Variants in FLI1 observed in about 807,000 individuals in gnomAD.
FLI1 encodes the protein Friend leukemia integration 1 transcription factor.
In FLI1, 13 loss-of-function variants were observed where a neutral mutation model predicts 53.1. The ratio of observed to expected loss-of-function variants is 0.24; its 90% CI spans 0.16 to 0.39. The LOEUF (loss-of-function observed/expected upper bound fraction) is 0.39, where lower values mean the gene tolerates loss of function less well. FLI1 is among the 10% of genes least tolerant of loss of function. The pLI is 1.00. For synonymous variants in FLI1, 244 were observed against 236.7 expected (o/e 1.03, Z -0.28); for missense variants, 424 against 600.5 (o/e 0.71, Z 3.07).
chr11:128,760,520 C>CTTTTTTTTTTTTTTTT (rs1179242159), intron 2 of FLI1, among the ~76,000 whole-genome samples: 1 of 103,572 alleles, frequency 9.7e-6, no homozygotes, highest in Admixed American at 9.6e-5. Context: ...GTGGAGATTC[C>CTTTTTTTTTTTTTTTT]TTTTTTTTTT....
At chr11:128,700,094 A>C (rs1343443133) in intron 1 of FLI1, among the ~76,000 whole-genome samples, 1 of 152,206 alleles carries the variant, frequency 6.6e-6, no homozygotes, top group East Asian at 1.9e-4. Context: ...GATGATTTGA[A>C]CTGGAGAGAC....
At chr11:128,700,249 G>A (rs886406975) in intron 1 of FLI1, among the ~76,000 whole-genome samples, 2 of 152,182 alleles carry the variant, frequency 1.3e-5, no homozygotes, top group Non-Finnish European at 2.9e-5. Context: ...ATACCATGAT[G>A]TCTCTACTTC....
chr11:128,689,570 C>A (rs926231522), upstream of FLI1, among the ~76,000 whole-genome samples: 1 of 152,152 alleles, frequency 6.6e-6, no homozygotes, highest in African/African-American at 2.4e-5. Context: ...GTCTTGCCGG[C>A]GGGTCTCGAA....
In FLI1 at chr11:128,768,516, T is replaced by TA. The variant is rs59293003; in HGVS notation, c.385+259dup. ...CAACGTGGTGAAACCTCATCTCTAC[T>TA]AAAAAAAAAAAAAAATACAAAAATT... On this transcript the variant is annotated intron_variant, in intron 3 of 8. Transcript: ENST00000527786. 4.2e-3 allele frequency: 1,375 copies of TA among 330,842 alleles called. 2 individuals are homozygous for TA. The highest frequency in any genetic ancestry group is 0.016 in the South Asian group (445 of 27,096). The allele number at this position is 330,842 out of a possible 1,614,324, so 20.5% of individuals were successfully genotyped here.
chr11:128,756,104 A>G (rs1940849781), intron 1 of FLI1, among the ~76,000 whole-genome samples: 1 of 152,264 alleles, frequency 6.6e-6, no homozygotes, highest in Non-Finnish European at 1.5e-5. Flanking sequence ...CCCAGCTTTA[A>G]CAAGTGCTGT....
chr11:128,796,335 T>G (rs2268605), intron 5 of FLI1, among the ~76,000 whole-genome samples: 1 of 152,166 alleles, frequency 6.6e-6, no homozygotes, highest in South Asian at 2.1e-4. Flanking sequence ...GTCTGCAAAA[T>G]AATTATCAGC....
chr11:128,687,538 C>T (rs1303882412), intron 1 of FLI1, among the ~76,000 whole-genome samples: 1 of 152,114 alleles, frequency 6.6e-6, no homozygotes, highest in South Asian at 2.1e-4. Flanking sequence ...TGCAAACACC[C>T]GCATACTTTT....
chr11:128,694,414 C>G (rs1386825888), intron 1 of FLI1, 138 bp downstream of exon 1: 2 of 671,224 alleles, frequency 3.0e-6, no homozygotes, highest in Non-Finnish European at 4.3e-6. Context: ...GCGCCGGCTC[C>G]TCCGGCGCTC....
intron 5 of FLI1, among the ~76,000 whole-genome samples, chr11:128,800,232 A>G (rs556591658): frequency 6.6e-6 from 1 of 152,342 alleles, no homozygotes; most frequent in East Asian, 1.9e-4. Flanking sequence ...TTCAGAAGCC[A>G]GGCTTTCCAA....
intron 2 of FLI1, among the ~76,000 whole-genome samples, chr11:128,763,140 C>G (rs1038693742): frequency 5.3e-5 from 8 of 152,260 alleles, no homozygotes; most frequent in Non-Finnish European, 1.0e-4. Flanking sequence ...ATTTGTGTCT[C>G]TGGTGGGAAG....
intron 5 of FLI1, among the ~76,000 whole-genome samples, chr11:128,785,661 A>G (rs2135872641): frequency 6.6e-6 from 1 of 152,360 alleles, no homozygotes; most frequent in Middle Eastern, 3.4e-3. Flanking sequence ...CTCTTTCCAA[A>G]GATGAACCAA....
At chr11:128,801,545 C>T (rs1362846090) in intron 5 of FLI1, among the ~76,000 whole-genome samples, 1 of 152,220 alleles carries the variant, frequency 6.6e-6, no homozygotes, top group Non-Finnish European at 1.5e-5. Context: ...GCCTATGCCT[C>T]ATACATAAAT....
At chr11:128,799,036 T>C (rs1942537461) in intron 5 of FLI1, among the ~76,000 whole-genome samples, 1 of 135,366 alleles carries the variant, frequency 7.4e-6, no homozygotes, top group African/African-American at 2.7e-5. Flanking sequence ...TTATTATTAT[T>C]ATTATTATTA....
At chr11:128,688,576 A>T (rs1332029661) in intron 1 of FLI1, among the ~76,000 whole-genome samples, 2 of 152,070 alleles carry the variant, frequency 1.3e-5, no homozygotes, top group African/African-American at 4.8e-5. Context: ...CCAGGCGCCC[A>T]GGCCCCATGA....
At chr11:128,750,770 A>C (rs183110563) in intron 1 of FLI1, among the ~76,000 whole-genome samples, 7 of 152,376 alleles carry the variant, frequency 4.6e-5, no homozygotes, top group African/African-American at 1.7e-4. Flanking sequence ...AGGAAAACAA[A>C]TGTTGGAAGA....
intron 1 of FLI1, among the ~76,000 whole-genome samples, chr11:128,729,709 CA>C (rs1428136956): frequency 6.6e-6 from 1 of 152,140 alleles, no homozygotes; most frequent in African/African-American, 2.4e-5. Context: ...GGATGGCAAC[CA>C]GATCATTCAC....
chr11:128,801,395 A>G (rs1942632429), intron 5 of FLI1, among the ~76,000 whole-genome samples: 1 of 152,224 alleles, frequency 6.6e-6, no homozygotes, highest in South Asian at 2.1e-4. Flanking sequence ...CCACACTGCT[A>G]AATTCTTCTT....
upstream of FLI1, among the ~76,000 whole-genome samples, chr11:128,685,226 C>T (rs1865780107): frequency 6.6e-6 from 1 of 152,228 alleles, no homozygotes; most frequent in South Asian, 2.1e-4. Context: ...GAGAGGCAAA[C>T]TTTGACTCCA....
intron 4 of FLI1, among the ~76,000 whole-genome samples, chr11:128,774,075 G>A (rs1256478485): frequency 6.6e-6 from 1 of 152,150 alleles, no homozygotes; most frequent in Non-Finnish European, 1.5e-5. Context: ...CTGGGTTGGT[G>A]AGCTCTGTTT....
Sources: allele counts gnomAD v4.1 joint callset (sites outside exome capture counted in the v4.1 genomes callset), GRCh38; gene constraint gnomAD v4.1.1; transcripts MANE v1.5; gene names NCBI Gene and HGNC (gene_info 2026-07-23, HGNC 2026-07-21).